SLC1A1: variants seen among roughly 807,000 people sequenced by gnomAD.
SLC1A1 encodes the protein solute carrier family 1 member 1.
Under a neutral mutation model 53.3 loss-of-function variants are expected in SLC1A1, and 43 were observed. The ratio of observed to expected loss-of-function variants is 0.81; its 90% confidence interval spans 0.63 to 1.04. The LOEUF is 1.04. Among genes scored for constraint, SLC1A1 ranks in the 50% least tolerant of loss-of-function variants. The probability of loss-of-function intolerance (pLI) is 0.00; values close to 1 mark genes in which losing one functional copy is unlikely to be tolerated. For missense variants in SLC1A1, 748 were observed against 664.9 expected (o/e 1.12, Z -1.37); for synonymous variants, 307 against 243.2 (o/e 1.26, Z -2.44).
At position 4,564,328 on chromosome 9, in the gene SLC1A1, C is replaced by A. The variant is rs200117958; in HGVS notation, c.326-16C>A. ...GAAGGTTCCTAATGCTCTGTGGACGCTGTTCTTGGCCACAGGTATTGTGCT... is the reference window on the plus strand; with the variant it reads ...GAAGGTTCCTAATGCTCTGTGGACGATGTTCTTGGCCACAGGTATTGTGCT... On this transcript the variant is annotated splice_polypyrimidine_tract_variant and intron_variant, in intron 3 of 11. Transcript: ENST00000262352. 1.2e-5 allele frequency: 19 copies of A among 1,577,886 alleles called. No homozygotes were observed. The highest frequency in any genetic ancestry group is 2.2e-5 in the East Asian group (1 of 44,622).
At chr9:4,563,171 G>T (rs927009423) in intron 3 of SLC1A1, among the ~76,000 whole-genome samples, 1 of 150,878 alleles carries the variant, frequency 6.6e-6, no homozygotes, top group African/African-American at 2.4e-5. Flanking sequence ...AGAATGCCCA[G>T]AGGGGGAAGA....
At chr9:4,516,070 C>T (rs10814997) in intron 1 of SLC1A1, among the ~76,000 whole-genome samples, 102,882 of 152,096 alleles carry the variant, frequency 0.68, 35,130 homozygotes, top group African/African-American at 0.75. Context: ...GAGAGCCACA[C>T]TGGTACAGGA....
At chr9:4,560,310 T>C (rs910605130) in intron 2 of SLC1A1, among the ~76,000 whole-genome samples, 8 of 152,160 alleles carry the variant, frequency 5.3e-5, no homozygotes, top group African/African-American at 1.9e-4. Context: ...AATAAGTGGA[T>C]CATTAAATAC....
chr9:4,582,670 T>C lies in SLC1A1; in HGVS notation c.1194-368T>C, dbSNP rs534954451. ...CTGGCACTTATTTAGGATGAGTGTA[T>C]GTATACATAGATGAGTACACGAAGC... On this transcript the variant is annotated intron_variant, in intron 10 of 11. Transcript: ENST00000262352. 3.3e-5 allele frequency among the ~76,000 whole-genome samples: 5 copies of C among 152,336 alleles called. No homozygotes were observed. The South Asian group carries it at 1.0e-3, about 32-fold the overall frequency.
At chr9:4,541,155 G>A (rs970677453) in intron 1 of SLC1A1, among the ~76,000 whole-genome samples, 2 of 152,142 alleles carry the variant, frequency 1.3e-5, no homozygotes, top group Admixed American at 6.5e-5. Context: ...AGTCCTTCCT[G>A]CTACACCGTT....
intron 6 of SLC1A1, among the ~76,000 whole-genome samples, chr9:4,568,379 T>C (rs372061101): frequency 2.6e-5 from 4 of 151,462 alleles, no homozygotes; most frequent in Admixed American, 1.3e-4. Flanking sequence ...GATTGAATCA[T>C]TGCACTTCAG....
At chr9:4,560,081 G>A (rs759653668) in intron 2 of SLC1A1, 16 of 152,124 alleles carry the variant, frequency 1.1e-4, no homozygotes, top group African/African-American at 2.4e-4. Flanking sequence ...CAATATGATC[G>A]TAAGTCTCTG....
At chr9:4,503,565 G>A (rs536589296) in intron 1 of SLC1A1, among the ~76,000 whole-genome samples, 1 of 151,922 alleles carries the variant, frequency 6.6e-6, no homozygotes, top group African/African-American at 2.4e-5. Context: ...ATGGCCTTGA[G>A]CAGGTGTGGT....
chr9:4,525,331 C>T (rs377466928), intron 1 of SLC1A1, among the ~76,000 whole-genome samples: 1 of 152,026 alleles, frequency 6.6e-6, no homozygotes, highest in East Asian at 1.9e-4. Flanking sequence ...AAATTTACAC[C>T]ACTGTGTAAT....
chr9:4,546,074 G>A (rs1817468210), intron 2 of SLC1A1, among the ~76,000 whole-genome samples: 1 of 152,080 alleles, frequency 6.6e-6, no homozygotes, highest in South Asian at 2.1e-4. Context: ...CGGGAGGGTG[G>A]GGGTCAGGAT....
chr9:4,528,439 G>C (rs137964756), intron 1 of SLC1A1, among the ~76,000 whole-genome samples: 1 of 152,128 alleles, frequency 6.6e-6, no homozygotes, highest in Non-Finnish European at 1.5e-5. Context: ...AGCTGGGCAT[G>C]GTGGCCGGTG....
intron 1 of SLC1A1, among the ~76,000 whole-genome samples, chr9:4,512,705 G>T (rs2130816331): frequency 6.6e-6 from 1 of 152,240 alleles, no homozygotes; most frequent in East Asian, 1.9e-4. Flanking sequence ...CCTAATAGAT[G>T]AATGAAGCAG....
At chr9:4,510,362 A>G (rs921216103) in intron 1 of SLC1A1, among the ~76,000 whole-genome samples, 2 of 152,336 alleles carry the variant, frequency 1.3e-5, no homozygotes, top group African/African-American at 4.8e-5. Context: ...AGGCACCTAG[A>G]ATACCAGTGG....
chr9:4,534,309 G>T (rs907088235), intron 1 of SLC1A1, among the ~76,000 whole-genome samples: 1 of 152,042 alleles, frequency 6.6e-6, no homozygotes, highest in Non-Finnish European at 1.5e-5. Flanking sequence ...TTGATAGACT[G>T]CTAGCAAGAG....
chr9:4,528,507 C>T (rs201267580), intron 1 of SLC1A1, among the ~76,000 whole-genome samples: 6 of 152,154 alleles, frequency 3.9e-5, no homozygotes, highest in Non-Finnish European at 7.4e-5. Flanking sequence ...ACCCGGGAGG[C>T]GGAGGTTGCA....
intron 6 of SLC1A1, among the ~76,000 whole-genome samples, chr9:4,570,494 CCA>C (rs1338688571): frequency 6.6e-6 from 1 of 151,882 alleles, no homozygotes; most frequent in Non-Finnish European, 1.5e-5. Flanking sequence ...CCTCAGCCTC[CCA>C]AGCAGCTGGG....
At chr9:4,518,721 C>G (rs1291513082) in intron 1 of SLC1A1, among the ~76,000 whole-genome samples, 2 of 152,130 alleles carry the variant, frequency 1.3e-5, no homozygotes, top group African/African-American at 4.8e-5. Flanking sequence ...TGAAAAATAT[C>G]AGGTCACTCT....
chr9:4,491,324 G>A (rs1305190010), intron 1 of SLC1A1, among the ~76,000 whole-genome samples: 1 of 152,204 alleles, frequency 6.6e-6, no homozygotes, highest in African/African-American at 2.4e-5. Context: ...CTTCCCACGC[G>A]GCGAGCGCCG....
chr9:4,544,677 T>G lies in SLC1A1; in HGVS notation c.202T>G (p.Leu68Val). 3.7e-6 allele frequency: 6 copies of G among 1,613,728 alleles called. No individual in the cohort carries two copies. Among genetic ancestry groups the G allele is most frequent in the Non-Finnish European group, 5.1e-6 (6 of 1,179,632 alleles). The change falls in exon 2 of 12, where the codon TTG becomes GTG. Residue 68 changes from leucine (L) to valine (V), a missense_variant. Leu to Val is a conservative substitution (Grantham distance 32, BLOSUM62 1). Transcript: ENST00000262352. Reference sequence around the variant, plus strand: ...AATGCGGATGCTGAAACTCATCATTTTGCCATTAATTATATCCAGCATGAT... The same window carrying G: ...AATGCGGATGCTGAAACTCATCATTGTGCCATTAATTATATCCAGCATGAT... ...ILMRMLKLII[L>V]PLIISSMITG...
Sources: gnomAD v4.1 joint callset for allele counts (sites outside exome capture counted in the v4.1 genomes callset) on GRCh38, gnomAD v4.1.1 for gene constraint, MANE v1.5 for transcripts, NCBI Gene and HGNC (gene_info 2026-07-23, HGNC 2026-07-21) for gene names.